PANK4: variants seen among roughly 807,000 people sequenced by gnomAD.
PANK4 encodes the protein pantothenate kinase 4 (inactive).
PANK4 carries 40 observed loss-of-function variants against 87.9 expected under a neutral mutation model. The observed-to-expected ratio is 0.46, with a 90% CI of 0.35 to 0.59. PANK4 has a LOEUF of 0.59. Ranked by LOEUF, PANK4 falls within the 20% of genes least tolerant of loss-of-function variation. The pLI is 0.00. For synonymous variants in PANK4, 524 were observed against 467.4 expected (o/e 1.12, Z -1.56); for missense variants, 926 against 1,072.3 (o/e 0.86, Z 1.90).
chr1:2,518,291 G>A (rs759887216), intron 8 of PANK4, 27 bp from the exon 9 acceptor site: 25 of 1,500,828 alleles, frequency 1.7e-5, no homozygotes, highest in South Asian at 1.1e-4. Flanking sequence ...CAGGTCACTT[G>A]TGTTAACCTT....
chr1:2,522,724 T>C (rs1401399798), intron 1 of PANK4, among the ~76,000 whole-genome samples: 4 of 152,292 alleles, frequency 2.6e-5, no homozygotes, highest in East Asian at 1.9e-4. Flanking sequence ...GCACTGTGTG[T>C]GTTATAGTGA....
At chr1:2,525,327 T>C (rs944288624) in intron 1 of PANK4, among the ~76,000 whole-genome samples, 5 of 151,952 alleles carry the variant, frequency 3.3e-5, no homozygotes, top group Admixed American at 6.5e-5. Flanking sequence ...CAAAGACAGG[T>C]TGGGCATCCT....
Position 2,520,972 on chromosome 1 carries a change from C to T in PANK4, c.423-66G>A. 6.5e-7 allele frequency: 1 copy of T among 1,532,170 alleles called. No individual in the cohort carries two copies. Among genetic ancestry groups the T allele is most frequent in the South Asian group, 1.2e-5 (1 of 80,052 alleles). The allele number at this position is 1,532,170 out of a possible 1,614,324, so 94.9% of individuals were successfully genotyped here. A position where few individuals can be genotyped will look rare whatever the true frequency, so the allele number is the denominator to read the frequency against. Reference sequence around the variant, plus strand: ...AGACAGGTGCAACCATGCAAGCCTGCCTGGTCCGAAGGGGCAGCCATGCCC... The same window carrying T: ...AGACAGGTGCAACCATGCAAGCCTGTCTGGTCCGAAGGGGCAGCCATGCCC... On this transcript the variant is annotated intron_variant, in intron 3 of 18. Coordinates refer to ENST00000378466, the MANE Select transcript of PANK4 (RefSeq NM_018216.4). This position sits in a 1 kb window ranked among gnomAD's most constrained non-coding sequence, Gnocchi z 6.2.
chr1:2,518,423 C>A, intron 8 of PANK4, 93 bp downstream of exon 8: 1 of 1,150,962 alleles, frequency 8.7e-7, no homozygotes, highest in Non-Finnish European at 1.3e-6. Context: ...GCTCCCCACC[C>A]CACCTCCACC....
chr1:2,511,248 G>C (rs1218116817), intron 15 of PANK4, 90 bp downstream of exon 15: 1 of 863,432 alleles, frequency 1.2e-6, no homozygotes, highest in African/African-American at 1.7e-5. Flanking sequence ...AGGGCCACCC[G>C]AGGCAGCCCA....
In PANK4 at chr1:2,519,911, C is replaced by T; in HGVS notation, c.743G>A (p.Ser248Asn). ...LLHLASRGQHSNVDMLVRDVY... is the reference protein window; with the variant it reads ...LLHLASRGQHNNVDMLVRDVY... ...GTCCCGCACCAGCATGTCCACATTG[C>T]TGTGCTGGCCCCTCGAGGCCAGGTG... is the stretch of plus-strand genomic sequence containing the variant. The change falls in exon 6 of 19, where the codon AGC (serine) becomes AAC (asparagine). Residue 248 changes from serine to asparagine, a missense_variant. Coordinates refer to ENST00000378466, the MANE Select transcript of PANK4 (RefSeq NM_018216.4). This position sits in a 1 kb window ranked among gnomAD's most constrained non-coding sequence, Gnocchi z 8.3. 1 of 1,566,796 alleles carries T rather than the reference C, an allele frequency of 6.4e-7. No individual in the cohort carries two copies.
rs1160520761 is a variant in PANK4 at position 2,520,932 on chromosome 1, A to G, written c.423-26T>C. ...CTGAAAAGGAAGCGCCAACCCCTTA[A>G]AGAGTCTGGGCCACAGACAGGTGCA... On this transcript the variant is annotated intron_variant, in intron 3 of 18. Coordinates refer to ENST00000378466, the MANE Select transcript of PANK4 (RefSeq NM_018216.4). This position sits in a 1 kb window ranked among gnomAD's most constrained non-coding sequence, Gnocchi z 6.2. 1.3e-6 allele frequency: 2 copies of G among 1,541,136 alleles called. No homozygotes were observed. Among genetic ancestry groups the G allele is most frequent in the South Asian group, 2.5e-5 (2 of 78,528 alleles).
At chr1:2,524,773 T>C (rs1643906401) in intron 1 of PANK4, among the ~76,000 whole-genome samples, 1 of 152,242 alleles carries the variant, frequency 6.6e-6, no homozygotes, top group Non-Finnish European at 1.5e-5. Context: ...AATCCCGACT[T>C]GCTTCCAGTA....
rs1458119613 is a variant in PANK4 at position 2,515,719 on chromosome 1, TG to T, written c.1219-3del. 1 of 1,612,488 alleles carries T rather than the reference TG, an allele frequency of 6.2e-7. No individual in the cohort carries two copies. The highest frequency in any genetic ancestry group is 8.5e-7 in the Non-Finnish European group (1 of 1,179,758). On this transcript the variant is annotated splice_polypyrimidine_tract_variant and splice_region_variant and intron_variant, in intron 9 of 18. Coordinates refer to ENST00000378466, the MANE Select transcript of PANK4 (RefSeq NM_018216.4). The surrounding 1 kb of genome is among the most constrained non-coding windows in gnomAD (Gnocchi z 5.0). ...CCGGTCCATTTCCAGCAAGTCAAAC[TG>T]GAAGACAGGCAGTGGCAGGGTGGAA...
chr1:2,518,194 G>A lies in PANK4; in HGVS notation c.1188C>T (p.Leu396=), dbSNP rs201136616. ...CACTCCGCGCCCGCTGCGCCGGGCC[G>A]AGCTCGGGTGATGCACTCATCAGCC... ...SSGLMSASPE[L]GPAQRARSGT... The change falls in exon 9 of 19, where the codon CTC becomes CTT. Residue 396 remains leucine (L), a synonymous_variant. Coordinates refer to ENST00000378466, the MANE Select transcript of PANK4 (RefSeq NM_018216.4). The A allele has an allele frequency of 6.2e-4, 991 of 1,609,990 alleles. 9 individuals are homozygous for A. The South Asian group carries it at 0.01, about 16-fold the overall frequency.
chr1:2,519,864 T>C lies in PANK4; in HGVS notation c.790A>G (p.Thr264Ala). The C allele has an allele frequency of 6.4e-7, 1 of 1,570,496 alleles. No homozygotes were observed. The highest frequency in any genetic ancestry group is 8.6e-7 in the Non-Finnish European group (1 of 1,158,394). The change falls in exon 6 of 19, where the codon ACT becomes GCT. Residue 264 changes from threonine to alanine, a missense_variant. Coordinates refer to ENST00000378466, the MANE Select transcript of PANK4 (RefSeq NM_018216.4). This position sits in a 1 kb window ranked among gnomAD's most constrained non-coding sequence, Gnocchi z 8.3. ...ATGAGGTTCCCGCTCAGCCCGAGAG[T>C]CTGGTGGGCGCCGCCGTAGACGTCC... Reference protein sequence around the residue: ...VRDVYGGAHQTLGLSGNLIAS... With the variant: ...VRDVYGGAHQALGLSGNLIAS...
At position 2,519,940 on chromosome 1, in the gene PANK4, G is replaced by A. The variant is rs1643859642; in HGVS notation, c.714C>T (p.Leu238=). The A allele has an allele frequency of 4.5e-6, 7 of 1,561,784 alleles. No individual in the cohort carries two copies. Among genetic ancestry groups the A allele is most frequent in the Non-Finnish European group, 6.1e-6 (7 of 1,151,844 alleles). Residue 238 remains leucine, a synonymous_variant, in exon 6 of 19, where the codon CTC becomes CTT. Transcript: ENST00000378466. This position sits in a 1 kb window ranked among gnomAD's most constrained non-coding sequence, Gnocchi z 8.3. The stretch of plus-strand genomic sequence containing the variant: ...GCTGGCCCCTCGAGGCCAGGTGCAG[G>A]AGCTCGTCAAACTTCTGCAGGACAC... ...LLTKTKKFDE[L]LHLASRGQHS... is the part of the protein sequence containing the mutation.
At position 2,509,663 on chromosome 1, in the gene PANK4, C is replaced by G. The variant is rs1001446780; in HGVS notation, c.2108+199G>C. On this transcript the variant is annotated intron_variant, in intron 18 of 18. Transcript: ENST00000378466. This position sits in a 1 kb window ranked among gnomAD's most constrained non-coding sequence, Gnocchi z 4.9. The stretch of plus-strand genomic sequence containing the variant: ...CAGCCCATGTGTAACCACCTCAGAC[C>G]CTGAATCCATTCACCCTCCCCAGGC... 1.6e-6 allele frequency: 1 copy of G among 619,166 alleles called. No individual in the cohort carries two copies. The allele number at this position is 619,166 out of a possible 1,614,324, so 38.4% of individuals were successfully genotyped here.
intron 2 of PANK4, 151 bp downstream of exon 2, chr1:2,521,567 C>G (rs769957549): frequency 2.6e-6 from 2 of 770,916 alleles, no homozygotes; most frequent in African/African-American, 3.4e-5. Flanking sequence ...AGGGACACGG[C>G]GGAAGGCAGG....
In PANK4 at chr1:2,508,845, C is replaced by A; in HGVS notation, c.*2G>T. 6.4e-7 allele frequency: 1 copy of A among 1,558,116 alleles called. No individual in the cohort carries two copies. Among genetic ancestry groups the A allele is most frequent in the Non-Finnish European group, 8.8e-7 (1 of 1,136,724 alleles). The stretch of plus-strand genomic sequence containing the variant: ...GCAGAAGAGTCCGGCAGCTGCAGCG[C>A]CTCACTCGGCTGGGACCTCGTACTT... On this transcript the variant is annotated 3_prime_UTR_variant, in exon 19 of 19. Transcript: ENST00000378466. This position sits in a 1 kb window ranked among gnomAD's most constrained non-coding sequence, Gnocchi z 5.1.
rs1241348883 is a variant in PANK4 at position 2,508,621 on chromosome 1, T to C, written c.*226A>G. ...GTATAGATCTCTCTATTTATATATATATATATATAAAAGGTTCTTTAGCAG... is the reference window on the plus strand; with the variant it reads ...GTATAGATCTCTCTATTTATATATACATATATATAAAAGGTTCTTTAGCAG... On this transcript the variant is annotated 3_prime_UTR_variant, in exon 19 of 19. Transcript: ENST00000378466. This position sits in a 1 kb window ranked among gnomAD's most constrained non-coding sequence, Gnocchi z 5.1. 1 of 269,392 alleles carries C rather than the reference T, an allele frequency of 3.7e-6. No homozygotes were observed. The highest frequency in any genetic ancestry group is 2.3e-5 in the African/African-American group (1 of 43,756). 16.7% of individuals were successfully genotyped at this position (269,392 alleles called of 1,614,324 possible). A position where few individuals can be genotyped will look rare whatever the true frequency, so the allele number is the denominator to read the frequency against.
In PANK4 at chr1:2,510,541, TC is replaced by T. The variant is rs1643643964; in HGVS notation, c.1938+136del. 4 of 660,874 alleles carry T rather than the reference TC, an allele frequency of 6.1e-6. No homozygotes were observed. The highest frequency in any genetic ancestry group is 3.7e-5 in the African/African-American group (2 of 54,536). 40.9% of individuals were successfully genotyped at this position (660,874 alleles called of 1,614,324 possible). On this transcript the variant is annotated intron_variant, in intron 16 of 18. Coordinates refer to ENST00000378466, the MANE Select transcript of PANK4 (RefSeq NM_018216.4). This position sits in a 1 kb window ranked among gnomAD's most constrained non-coding sequence, Gnocchi z 4.9. Reference sequence around the variant, plus strand: ...CAGCAGATGACGGCTCTGGGCCGCCTCCCCCGTGCTGCTGCCTGCACCTACC... The same window carrying T: ...CAGCAGATGACGGCTCTGGGCCGCCTCCCCGTGCTGCTGCCTGCACCTACC...
At position 2,515,882 on chromosome 1, in the gene PANK4, G is replaced by A. The variant is rs941038996; in HGVS notation, c.1219-165C>T. Reference sequence around the variant, plus strand: ...CCCCACTGGGCCCCCTCAGCTGCCCGGCGGCCTGAGCCGGATACCTTGACT... The same window carrying A: ...CCCCACTGGGCCCCCTCAGCTGCCCAGCGGCCTGAGCCGGATACCTTGACT... On this transcript the variant is annotated intron_variant, in intron 9 of 18. Transcript: ENST00000378466. The surrounding 1 kb of genome is among the most constrained non-coding windows in gnomAD (Gnocchi z 5.0). The A allele has an allele frequency of 9.8e-6, 7 of 715,268 alleles. No individual in the cohort carries two copies. Among genetic ancestry groups the A allele is most frequent in the East Asian group, 2.7e-5 (1 of 36,858 alleles). 44.3% of individuals were successfully genotyped at this position (715,268 alleles called of 1,614,324 possible). A position where few individuals can be genotyped will look rare whatever the true frequency, so the allele number is the denominator to read the frequency against.
Position 2,519,945 on chromosome 1 carries a change from C to T in PANK4, c.709G>A (p.Glu237Lys), listed in dbSNP as rs780662288. The change falls in exon 6 of 19, where the codon GAG becomes AAG. Residue 237 changes from glutamate (E) to lysine (K), a missense_variant. Transcript: ENST00000378466. This position sits in a 1 kb window ranked among gnomAD's most constrained non-coding sequence, Gnocchi z 8.3. The part of the protein sequence containing the change: ...ALLTKTKKFD[E>K]LLHLASRGQH... ...CCCCTCGAGGCCAGGTGCAGGAGCTCGTCAAACTTCTGCAGGACACGGCGA... is the reference window on the plus strand; with the variant it reads ...CCCCTCGAGGCCAGGTGCAGGAGCTTGTCAAACTTCTGCAGGACACGGCGA... 29 of 1,557,568 alleles carry T rather than the reference C, an allele frequency of 1.9e-5. No homozygotes were observed. Among genetic ancestry groups the T allele is most frequent in the African/African-American group, 4.1e-5 (3 of 73,914 alleles).
Sources: gnomAD v4.1 joint callset for allele counts (sites outside exome capture counted in the v4.1 genomes callset) on GRCh38, gnomAD v4.1.1 for gene constraint, Gnocchi (gnomAD v3.1) non-coding constraint, MANE v1.5 for transcripts, NCBI Gene and HGNC (gene_info 2026-07-23, HGNC 2026-07-21) for gene names.